The following PAX3 variants were observed in gnomAD, a reference collection of about 807,000 sequenced individuals.
PAX3 encodes the protein paired box protein Pax-3.
Under a neutral mutation model 51.6 loss-of-function variants are expected in PAX3, and 14 were observed. The ratio of observed to expected loss-of-function variants is 0.27; its 90% CI spans 0.18 to 0.42. The LOEUF (loss-of-function observed/expected upper bound fraction) is 0.42. Ranked by LOEUF, PAX3 falls within the 10% of genes least tolerant of loss-of-function variation. The probability of loss-of-function intolerance (pLI) is 1.00; values close to 1 mark genes in which losing one functional copy is unlikely to be tolerated. For synonymous variants in PAX3, 280 were observed against 253.4 expected (o/e 1.11, Z -1.00); for missense variants, 540 against 642.8 (o/e 0.84, Z 1.73).
intron 4 of PAX3, among the ~76,000 whole-genome samples, chr2:222,286,954 G>T (rs1161627256): frequency 1.3e-5 from 2 of 152,224 alleles, no homozygotes; most frequent in Non-Finnish European, 1.5e-5. Context: ...ATGTTAAACA[G>T]GCATTTTGAT....
intron 4 of PAX3, among the ~76,000 whole-genome samples, chr2:222,293,053 T>C (rs1695102267): frequency 6.6e-6 from 1 of 152,176 alleles, no homozygotes; most frequent in South Asian, 2.1e-4. Flanking sequence ...TGGATGCCAC[T>C]CTGGTAAGGG....
chr2:222,286,973 A>G (rs1694854240), intron 4 of PAX3, among the ~76,000 whole-genome samples: 1 of 152,248 alleles, frequency 6.6e-6, no homozygotes, highest in Admixed American at 6.5e-5. Flanking sequence ...ATAACTGTGC[A>G]TATTCCAACT....
intron 4 of PAX3, among the ~76,000 whole-genome samples, chr2:222,244,734 C>CAAAAAA (rs35127003): frequency 9.1e-6 from 1 of 109,722 alleles, no homozygotes; most frequent in African/African-American, 3.3e-5. Context: ...TATTGTTCAC[C>CAAAAAA]AAAAAAAAAA....
chr2:222,240,370 G>A (rs188679554), intron 4 of PAX3, among the ~76,000 whole-genome samples: 13 of 152,150 alleles, frequency 8.5e-5, no homozygotes, highest in Non-Finnish European at 1.8e-4. Flanking sequence ...TCAGAATTTT[G>A]AGTTTCAGGT....
In PAX3 at chr2:222,232,279, T is replaced by C. The variant is rs763702766; in HGVS notation, c.591A>G (p.Ser197=). The C allele has an allele frequency of 4.3e-6, 7 of 1,613,548 alleles. No homozygotes were observed. In the African/African-American group the frequency reaches 6.7e-5, roughly 15 times the overall value. The part of the protein sequence containing the change: ...SIDGILSERA[S]APQSDEGSDI... ...CAGAGCCTTCATCTGATTGGGGTGCTGAGGCTAAAAGCACAGAAGAACAAA... is the reference window on the plus strand; with the variant it reads ...CAGAGCCTTCATCTGATTGGGGTGCCGAGGCTAAAAGCACAGAAGAACAAA... Residue 197 remains serine, a synonymous_variant, in exon 5 of 9, where the codon TCA becomes TCG. Transcript: ENST00000392070.
intron 4 of PAX3, among the ~76,000 whole-genome samples, chr2:222,282,850 G>A (rs1694693958): frequency 1.3e-5 from 2 of 152,216 alleles, no homozygotes; most frequent in South Asian, 2.1e-4. Context: ...TTGGAGGAAT[G>A]TCCAGAAGGT....
intron 4 of PAX3, among the ~76,000 whole-genome samples, chr2:222,291,969 GGTGTGTGTGTGTGTGTGTGTGTGT>G (rs3997675): frequency 1.5e-5 from 2 of 133,728 alleles, no homozygotes; most frequent in South Asian, 2.8e-4. Context: ...CAGCCTCCAA[GGTGTGTGTGTGTGTGTGTGTGTGT>G]GTGTGTGTGT....
At chr2:222,282,027 G>A (rs1369653027) in intron 4 of PAX3, among the ~76,000 whole-genome samples, 2 of 152,178 alleles carry the variant, frequency 1.3e-5, no homozygotes, top group African/African-American at 4.8e-5. Flanking sequence ...AGTCAAGAAA[G>A]AAGACGTGTT....
At chr2:222,205,366 G>C (rs895949364) in intron 7 of PAX3, among the ~76,000 whole-genome samples, 3 of 151,996 alleles carry the variant, frequency 2.0e-5, no homozygotes, top group Admixed American at 2.0e-4. Context: ...GCTAGTGAGG[G>C]CATCTCCTTT....
chr2:222,295,717 C>T (rs1695260502), intron 2 of PAX3, 60 bp from the exon 3 acceptor site: 3 of 1,598,876 alleles, frequency 1.9e-6, no homozygotes, highest in African/African-American at 1.3e-5. Flanking sequence ...GTGGCGGCGG[C>T]CCCACCGCCT....
At chr2:222,238,856 G>T (rs1464305748) in intron 4 of PAX3, among the ~76,000 whole-genome samples, 1 of 152,174 alleles carries the variant, frequency 6.6e-6, no homozygotes, top group Non-Finnish European at 1.5e-5. Flanking sequence ...ATTCCAGAAG[G>T]TCTTTAACAG....
At chr2:222,203,606 A>G (rs1396725269) in intron 7 of PAX3, among the ~76,000 whole-genome samples, 2 of 152,148 alleles carry the variant, frequency 1.3e-5, no homozygotes, top group African/African-American at 4.8e-5. Flanking sequence ...CCTCGGATCT[A>G]GGAGTTCCAG....
At chr2:222,216,955 G>C (rs1002568317) in intron 7 of PAX3, among the ~76,000 whole-genome samples, 12 of 152,182 alleles carry the variant, frequency 7.9e-5, no homozygotes, top group African/African-American at 2.7e-4. Flanking sequence ...ACAGTGAACT[G>C]ATCACAGTGA....
At chr2:222,275,138 C>T (rs889890292) in intron 4 of PAX3, among the ~76,000 whole-genome samples, 1 of 152,068 alleles carries the variant, frequency 6.6e-6, no homozygotes, top group Middle Eastern at 3.2e-3. Context: ...TATATTTGAT[C>T]TGAGTACAGG....
rs980757143 is a variant in PAX3, at chr2:222,200,342, T to C, written c.*1066A>G. On this transcript the variant is annotated 3_prime_UTR_variant, in exon 9 of 9. Coordinates refer to ENST00000392070, the MANE Select transcript of PAX3 (RefSeq NM_181458.4). The stretch of plus-strand genomic sequence containing the variant: ...ACTTCTGTTCTTGCCCTGCCTTTCA[T>C]AGAAAAGAGAAGAATGTAAACGTAA... 1 of 222,316 alleles carries C rather than the reference T, an allele frequency of 4.5e-6. No individual in the cohort carries two copies. The highest frequency in any genetic ancestry group is 2.2e-5 in the African/African-American group (1 of 44,740). The allele number at this position is 222,316 out of a possible 1,614,324, so 13.8% of individuals were successfully genotyped here.
At chr2:222,221,151 C>G (rs1692176095) in intron 6 of PAX3, 71 bp downstream of exon 6, 2 of 1,441,496 alleles carry the variant, frequency 1.4e-6, no homozygotes, top group South Asian at 2.3e-5. Context: ...GAAGGATTCA[C>G]TTGTATAAAA....
At chr2:222,259,777 T>G (rs2106141156) in intron 4 of PAX3, among the ~76,000 whole-genome samples, 1 of 152,352 alleles carries the variant, frequency 6.6e-6, no homozygotes, top group South Asian at 2.1e-4. Context: ...TACCTAAAAG[T>G]AAAATGCCAT....
At chr2:222,290,005 A>G (rs1694971783) in intron 4 of PAX3, among the ~76,000 whole-genome samples, 1 of 152,176 alleles carries the variant, frequency 6.6e-6, no homozygotes, top group African/African-American at 2.4e-5. Context: ...TAAACCTATG[A>G]TCTTATACCC....
chr2:222,221,218 G>A lies in PAX3; in HGVS notation c.958+4C>T. ...TTCTAATCTCCTTGACTCTTCCTCG[G>A]TACCTTGTGGAATAGATGTGGGCTG... On this transcript the variant is annotated splice_donor_region_variant and intron_variant, in intron 6 of 8. Transcript: ENST00000392070. The A allele has an allele frequency of 6.2e-7, 1 of 1,613,740 alleles. No homozygotes were observed. The highest frequency in any genetic ancestry group is 8.5e-7 in the Non-Finnish European group (1 of 1,179,736).
Sources: gnomAD v4.1 joint callset for allele counts (sites outside exome capture counted in the v4.1 genomes callset) on GRCh38, gnomAD v4.1.1 for gene constraint, MANE v1.5 for transcripts, NCBI Gene and HGNC (gene_info 2026-07-23, HGNC 2026-07-21) for gene names.